The following CERS6 variants were observed in gnomAD, a reference collection of about 807,000 sequenced individuals.
CERS6 encodes the protein ceramide synthase 6, also known as LAG1 homolog, ceramide synthase 6.
In CERS6, 26 loss-of-function variants were observed where a neutral mutation model predicts 56.8. The observed-to-expected ratio is 0.46, with a 90% confidence interval of 0.34 to 0.63. CERS6 has a LOEUF of 0.63. CERS6 is among the 30% of genes least tolerant of loss of function. The probability of loss-of-function intolerance (pLI) is 0.01; values close to 1 mark genes in which losing one functional copy is unlikely to be tolerated. For missense variants in CERS6, 415 were observed against 467.5 expected, an observed-to-expected ratio of 0.89 and a Z score of 1.04; for synonymous variants, 164 against 173.3, an observed-to-expected ratio of 0.95 and a Z score of 0.42.
chr2:168,591,455 A>G (rs1371853900), intron 3 of CERS6, among the ~76,000 whole-genome samples: 1 of 152,238 alleles, frequency 6.6e-6, no homozygotes, highest in Non-Finnish European at 1.5e-5. Context: ...ACTTGGGTTA[A>G]TAGTGCTATC....
chr2:168,597,794 G>T (rs1328786568), intron 3 of CERS6, among the ~76,000 whole-genome samples: 2 of 152,246 alleles, frequency 1.3e-5, no homozygotes, highest in East Asian at 1.9e-4. Context: ...GCCTGTATTT[G>T]CACCTTTGAC....
chr2:168,544,959 T>C (rs962337495), intron 1 of CERS6, among the ~76,000 whole-genome samples: 1 of 152,010 alleles, frequency 6.6e-6, no homozygotes, highest in African/African-American at 2.4e-5. Flanking sequence ...TCAGTGTAGC[T>C]GAGGCTGGTG....
At chr2:168,767,151 C>T (rs887115905) in intron 9 of CERS6, among the ~76,000 whole-genome samples, 8 of 152,188 alleles carry the variant, frequency 5.3e-5, no homozygotes, top group Admixed American at 3.3e-4. Context: ...TGCTCTTCAA[C>T]TTATTCCTTC....
intron 3 of CERS6, among the ~76,000 whole-genome samples, chr2:168,594,752 G>A (rs534339461): frequency 3.9e-5 from 6 of 152,056 alleles, no homozygotes; most frequent in Non-Finnish European, 8.8e-5. Flanking sequence ...TCTTTCTCAC[G>A]TGAATCTCTC....
chr2:168,736,496 G>GA (rs1031090047), intron 8 of CERS6, among the ~76,000 whole-genome samples: 18 of 150,886 alleles, frequency 1.2e-4, no homozygotes, highest in East Asian at 7.8e-4. Context: ...AGCTAATTAA[G>GA]AAAAAAAAAT....
intron 1 of CERS6, among the ~76,000 whole-genome samples, chr2:168,525,719 A>C (rs1206078653): frequency 2.0e-5 from 3 of 152,200 alleles, no homozygotes; most frequent in Non-Finnish European, 4.4e-5. Flanking sequence ...TTTGCCTTTC[A>C]AAAAAATTTT....
chr2:168,465,367 G>T (rs1031395089), intron 1 of CERS6, among the ~76,000 whole-genome samples: 1 of 152,140 alleles, frequency 6.6e-6, no homozygotes, highest in African/African-American at 2.4e-5. Flanking sequence ...TCACGGAAGG[G>T]GCGAGGTGGC....
At chr2:168,491,978 C>T (rs1323897038) in intron 1 of CERS6, among the ~76,000 whole-genome samples, 1 of 152,140 alleles carries the variant, frequency 6.6e-6, no homozygotes, top group Non-Finnish European at 1.5e-5. Context: ...CATAGTATTC[C>T]ATGGTGTATA....
At chr2:168,764,442 T>G (rs1393858425) in intron 8 of CERS6, among the ~76,000 whole-genome samples, 1 of 152,210 alleles carries the variant, frequency 6.6e-6, no homozygotes, top group Non-Finnish European at 1.5e-5. Flanking sequence ...GCACCCAGAC[T>G]GCATTCATTG....
chr2:168,757,150 GTCTC>G (rs964420763), intron 8 of CERS6, among the ~76,000 whole-genome samples: 6 of 152,080 alleles, frequency 3.9e-5, no homozygotes, highest in Admixed American at 3.9e-4. Context: ...CCAAGCAAAA[GTCTC>G]TCTTATGTAC....
intron 4 of CERS6, among the ~76,000 whole-genome samples, chr2:168,650,502 C>T (rs1487037120): frequency 6.6e-6 from 1 of 152,098 alleles, no homozygotes; most frequent in Non-Finnish European, 1.5e-5. Flanking sequence ...ATACTGATTC[C>T]TTCTTTAAAT....
chr2:168,738,002 A>G (rs544027241), intron 8 of CERS6, among the ~76,000 whole-genome samples: 2 of 152,356 alleles, frequency 1.3e-5, no homozygotes, highest in African/African-American at 4.8e-5. Context: ...AGATGCAAAC[A>G]CACTGACCAT....
chr2:168,671,454 T>A (rs1279098025), intron 4 of CERS6, among the ~76,000 whole-genome samples: 1 of 152,206 alleles, frequency 6.6e-6, no homozygotes, highest in Non-Finnish European at 1.5e-5. Flanking sequence ...GATGCCAATT[T>A]TCCCTATATT....
rs1332661034 is a variant in CERS6 at position 168,456,308 on chromosome 2, G to A, written c.-141G>A. On this transcript the variant is annotated 5_prime_UTR_variant, in exon 1 of 10. Transcript: ENST00000305747. This position sits in a 1 kb window ranked among gnomAD's most constrained non-coding sequence, Gnocchi z 4.1. The stretch of plus-strand genomic sequence containing the variant: ...CGAGCCTTCGAGAGCAGCGGCCGCG[G>A]AGGAGGCGGCGGCGGCGGGCGGGAG... 1 of 334,678 alleles carries A rather than the reference G, an allele frequency of 3.0e-6. No homozygotes were observed. Among genetic ancestry groups the A allele is most frequent in the Non-Finnish European group, 4.6e-6 (1 of 215,540 alleles). The allele number at this position is 334,678 out of a possible 1,614,324, so 20.7% of individuals were successfully genotyped here. A position where few individuals can be genotyped will look rare whatever the true frequency, so the allele number is the denominator to read the frequency against.
chr2:168,587,527 G>A (rs1038405163), intron 3 of CERS6, among the ~76,000 whole-genome samples: 2 of 152,184 alleles, frequency 1.3e-5, no homozygotes, highest in African/African-American at 4.8e-5. Context: ...CTTGGCCTCT[G>A]CCTCAATGTC....
chr2:168,477,777 T>G (rs1694106423), intron 1 of CERS6, among the ~76,000 whole-genome samples: 1 of 152,228 alleles, frequency 6.6e-6, no homozygotes, highest in African/African-American at 2.4e-5. Flanking sequence ...TTTCTAACAG[T>G]ATGATTGAAC....
At chr2:168,663,953 T>G (rs753544828) in intron 4 of CERS6, among the ~76,000 whole-genome samples, 9 of 152,176 alleles carry the variant, frequency 5.9e-5, no homozygotes, top group Non-Finnish European at 1.3e-4. Flanking sequence ...CAATTCCCTT[T>G]TCTCCCAGCA....
intron 3 of CERS6, among the ~76,000 whole-genome samples, chr2:168,602,153 T>C (rs1683948053): frequency 6.6e-6 from 1 of 152,204 alleles, no homozygotes; most frequent in African/African-American, 2.4e-5. Context: ...ATTGCACAAA[T>C]AAGCATTGGC....
At chr2:168,724,120 T>G (rs899850439) in intron 8 of CERS6, among the ~76,000 whole-genome samples, 3 of 152,018 alleles carry the variant, frequency 2.0e-5, no homozygotes, top group Non-Finnish European at 4.4e-5. Context: ...TCCCTTCTGA[T>G]GTTTGGATGT....
Sources: gnomAD v4.1 joint callset for allele counts (sites outside exome capture counted in the v4.1 genomes callset) on GRCh38, gnomAD v4.1.1 for gene constraint, Gnocchi (gnomAD v3.1) non-coding constraint, MANE v1.5 for transcripts, NCBI Gene and HGNC (gene_info 2026-07-23, HGNC 2026-07-21) for gene names.